Variants in DPP10 observed in about 807,000 individuals in gnomAD.
The protein encoded by DPP10 is inactive dipeptidyl peptidase 10.
DPP10 carries 33 observed loss-of-function variants against 120.9 expected under a neutral mutation model. The ratio of observed to expected loss-of-function variants is 0.27; its 90% CI spans 0.21 to 0.37. The LOEUF is 0.37. Ranked by LOEUF, DPP10 falls within the 10% of genes least tolerant of loss-of-function variation. The probability of loss-of-function intolerance (pLI) is 1.00; values close to 1 mark genes in which losing one functional copy is unlikely to be tolerated. For synonymous variants in DPP10, 337 were observed against 326.1 expected (o/e 1.03, Z -0.36); for missense variants, 816 against 942.8 (o/e 0.87, Z 1.76).
At chr2:114,861,129 C>T (rs17043698) in intron 1 of DPP10, among the ~76,000 whole-genome samples, 1,781 of 152,214 alleles carry the variant, frequency 0.012, 23 homozygotes, top group African/African-American at 0.04. Flanking sequence ...ATACTTAGGT[C>T]CAAAGAGTGC....
intron 11 of DPP10, among the ~76,000 whole-genome samples, chr2:115,760,208 T>G (rs1575701882): frequency 6.6e-6 from 1 of 151,628 alleles, no homozygotes; most frequent in South Asian, 2.1e-4. Context: ...AAAGTAAGAC[T>G]TATCTACACA....
intron 1 of DPP10, among the ~76,000 whole-genome samples, chr2:114,965,038 C>G (rs1339468343): frequency 6.6e-6 from 1 of 152,148 alleles, no homozygotes; most frequent in East Asian, 1.9e-4. Flanking sequence ...TCTGAGCAAA[C>G]AGGGGGCTAG....
rs34580352 is a variant in DPP10 at position 114,852,151 on chromosome 2, CTTTTTTTTTTTT to C, written c.60+409327_60+409338del. Among the ~76,000 whole-genome samples the C allele has an allele frequency of 2.4e-4, 13 of 53,732 alleles. No homozygotes were observed. The South Asian group carries it at 3.7e-3, about 15-fold the overall frequency. 35.3% of individuals were successfully genotyped at this position (53,732 alleles called of 152,430 possible). A position where few individuals can be genotyped will look rare whatever the true frequency, so the allele number is the denominator to read the frequency against. On this transcript the variant is annotated intron_variant, in intron 1 of 25. Transcript: ENST00000410059. ...GGGAAATTTTTATAGCGATTGCATCCTTTTTTTTTTTTTTTTTTTTTTTTTCATAAAATGCCT... is the reference window on the plus strand; with the variant it reads ...GGGAAATTTTTATAGCGATTGCATCCTTTTTTTTTTTTTCATAAAATGCCT...
intron 8 of DPP10, among the ~76,000 whole-genome samples, chr2:115,731,250 C>T (rs771538004): frequency 1.3e-5 from 2 of 151,842 alleles, no homozygotes; most frequent in African/African-American, 4.8e-5. Flanking sequence ...CCCAGCTACT[C>T]GGGAGGCTGA....
intron 3 of DPP10, among the ~76,000 whole-genome samples, chr2:115,363,157 T>C (rs1311351976): frequency 6.6e-6 from 1 of 152,154 alleles, no homozygotes; most frequent in Non-Finnish European, 1.5e-5. Context: ...AGTTAATGTG[T>C]GTATATATTT....
chr2:115,366,190 T>G (rs1245315057), intron 3 of DPP10, among the ~76,000 whole-genome samples: 1 of 152,030 alleles, frequency 6.6e-6, no homozygotes, highest in Non-Finnish European at 1.5e-5. Flanking sequence ...ATGCTCTGGA[T>G]GACTCTCCAC....
intron 1 of DPP10, among the ~76,000 whole-genome samples, chr2:114,445,336 T>C (rs1255824492): frequency 1.3e-5 from 2 of 152,280 alleles, no homozygotes; most frequent in Admixed American, 1.3e-4. Context: ...TTCAAAAACC[T>C]CTAGAGACTT....
intron 1 of DPP10, among the ~76,000 whole-genome samples, chr2:114,991,800 A>G (rs1700767652): frequency 6.6e-6 from 1 of 152,246 alleles, no homozygotes; most frequent in Non-Finnish European, 1.5e-5. Flanking sequence ...AGTGGCAGAG[A>G]GGGATTGTAT....
At chr2:115,703,147 A>T (rs2091960517) in intron 7 of DPP10, among the ~76,000 whole-genome samples, 1 of 151,992 alleles carries the variant, frequency 6.6e-6, no homozygotes, top group Admixed American at 6.6e-5. Flanking sequence ...GAATGAATCT[A>T]GAATCAAGAA....
chr2:115,042,072 T>C (rs565512338), intron 1 of DPP10, among the ~76,000 whole-genome samples: 1 of 135,636 alleles, frequency 7.4e-6, no homozygotes, highest in South Asian at 2.6e-4. Context: ...ACATAGGAAA[T>C]CAATAAAATT....
intron 11 of DPP10, among the ~76,000 whole-genome samples, chr2:115,758,131 A>G (rs909725435): frequency 1.3e-5 from 2 of 152,140 alleles, no homozygotes; most frequent in Non-Finnish European, 2.9e-5. Context: ...AAAAAAGCCT[A>G]CAAAAAACCC....
intron 1 of DPP10, among the ~76,000 whole-genome samples, chr2:114,742,351 T>TA (rs1678148277): frequency 6.6e-6 from 1 of 152,086 alleles, no homozygotes; most frequent in Non-Finnish European, 1.5e-5. Flanking sequence ...AAGAAAAAAC[T>TA]AAAAAATATT....
At position 115,740,952 on chromosome 2, in the gene DPP10, T is replaced by C. The variant is rs62155342; in HGVS notation, c.852+1059T>C. Among the ~76,000 whole-genome samples the C allele has an allele frequency of 8.3e-3, 1,260 of 152,210 alleles. 12 individuals carry two copies. The highest frequency in any genetic ancestry group is 0.013 in the Non-Finnish European group (871 of 68,008). On this transcript the variant is annotated intron_variant, in intron 9 of 25. Transcript: ENST00000410059. ...AGCCATTTCTTTAGTGAGTTGTACT[T>C]TGTCTTTTTCAAGCACAATAGGTTT... is the stretch of plus-strand genomic sequence containing the variant.
At chr2:115,200,069 G>T (rs1350797722) in intron 1 of DPP10, among the ~76,000 whole-genome samples, 1 of 152,106 alleles carries the variant, frequency 6.6e-6, no homozygotes, top group Non-Finnish European at 1.5e-5. Flanking sequence ...CTGTTTCTGT[G>T]CATCCGTTGT....
At chr2:114,493,727 G>C (rs1319361759) in intron 1 of DPP10, among the ~76,000 whole-genome samples, 1 of 152,074 alleles carries the variant, frequency 6.6e-6, no homozygotes, top group Non-Finnish European at 1.5e-5. Flanking sequence ...ATAAAGAATA[G>C]AACATCACTG....
chr2:115,133,060 A>G (rs1408451074), intron 1 of DPP10, among the ~76,000 whole-genome samples: 7 of 148,830 alleles, frequency 4.7e-5, no homozygotes, highest in Middle Eastern at 3.2e-3. Flanking sequence ...GGGGTTATGA[A>G]GAATCCTAAA....
At chr2:115,587,089 C>CTTTTTTTTTTTTTTTTTTTTT (rs756810925) in intron 5 of DPP10, among the ~76,000 whole-genome samples, 55 of 103,908 alleles carry the variant, frequency 5.3e-4, no homozygotes, top group African/African-American at 9.8e-4. Flanking sequence ...TTTTCTCTTT[C>CTTTTTTTTTTTTTTTTTTTTT]TTTTTTTTTT....
At chr2:115,642,258 T>C (rs1256893436) in intron 5 of DPP10, among the ~76,000 whole-genome samples, 1 of 151,970 alleles carries the variant, frequency 6.6e-6, no homozygotes, top group Non-Finnish European at 1.5e-5. Context: ...AGTGCCCAGA[T>C]ATTTGGTCAA....
chr2:115,597,473 T>C (rs2083060392), intron 5 of DPP10, among the ~76,000 whole-genome samples: 1 of 151,246 alleles, frequency 6.6e-6, no homozygotes, highest in Non-Finnish European at 1.5e-5. Flanking sequence ...TTTAGCCAAC[T>C]AAAAATATTC....
Sources: gnomAD v4.1 joint callset for allele counts (sites outside exome capture counted in the v4.1 genomes callset) on GRCh38, gnomAD v4.1.1 for gene constraint, MANE v1.5 for transcripts, NCBI Gene and HGNC (gene_info 2026-07-23, HGNC 2026-07-21) for gene names.